KDM4B: variants seen among roughly 807,000 people sequenced by gnomAD.
The protein encoded by KDM4B is lysine demethylase 4B, also known as lysine-specific demethylase 4B.
KDM4B carries 32 observed loss-of-function variants against 125.2 expected under a neutral mutation model. That is an observed-to-expected ratio of 0.26 (90% CI 0.19 to 0.34). The LOEUF (loss-of-function observed/expected upper bound fraction) is 0.34, where lower values mean the gene tolerates loss of function less well. Ranked by LOEUF, KDM4B falls within the 10% of genes least tolerant of loss-of-function variation. KDM4B has a pLI of 1.00. For synonymous variants in KDM4B, 721 were observed against 677.9 expected (o/e 1.06, Z -0.99); for missense variants, 1,190 against 1,577.7 (o/e 0.75, Z 4.16).
intron 6 of KDM4B, among the ~76,000 whole-genome samples, chr19:5,063,537 G>A (rs1489166386): frequency 6.6e-6 from 1 of 152,196 alleles, no homozygotes; most frequent in African/African-American, 2.4e-5. Flanking sequence ...TCTGTGACCT[G>A]GTCTCTTCAG....
chr19:5,133,246 G>A (rs73529626), intron 13 of KDM4B, among the ~76,000 whole-genome samples: 9,939 of 152,234 alleles, frequency 0.065, 376 homozygotes, highest in East Asian at 0.15. Context: ...AGACCGCCGC[G>A]GCTTCTCAGC....
chr19:5,026,876 C>T (rs1305547293), intron 2 of KDM4B, among the ~76,000 whole-genome samples: 1 of 152,126 alleles, frequency 6.6e-6, no homozygotes, highest in African/African-American at 2.4e-5. Context: ...AGCTGACTGC[C>T]GCCCCCTTTC....
intron 2 of KDM4B, among the ~76,000 whole-genome samples, chr19:5,022,610 C>G (rs1048728063): frequency 6.6e-6 from 1 of 152,184 alleles, no homozygotes; most frequent in African/African-American, 2.4e-5. Flanking sequence ...CTGGCCACCC[C>G]CACGGATGGT....
At chr19:5,150,614 C>T (rs112695064) in intron 22 of KDM4B, among the ~76,000 whole-genome samples, 164 bp downstream of exon 22, 2 of 152,244 alleles carry the variant, frequency 1.3e-5, no homozygotes, top group East Asian at 3.9e-4. Context: ...TCCATGGGCT[C>T]CTGGCAGGAG....
chr19:5,100,464 G>A lies in KDM4B; in HGVS notation c.919-10158G>A, dbSNP rs532066126. Among the ~76,000 whole-genome samples the A allele has an allele frequency of 3.9e-5, 6 of 152,290 alleles. No homozygotes were observed. The South Asian group carries it at 1.0e-3, about 26-fold the overall frequency. The stretch of plus-strand genomic sequence containing the variant: ...CAGGATCTCACTCTGAAATGAGACA[G>A]AGTCTCAGCCTAGAGTGCAGTGGTG... On this transcript the variant is annotated intron_variant, in intron 9 of 22. Coordinates refer to ENST00000159111, the MANE Select transcript of KDM4B (RefSeq NM_015015.3).
intron 1 of KDM4B, among the ~76,000 whole-genome samples, chr19:4,999,165 C>T (rs754991545): frequency 6.6e-6 from 1 of 152,204 alleles, no homozygotes; most frequent in African/African-American, 2.4e-5. Flanking sequence ...TTGATGTCTC[C>T]TATACAGGAC....
chr19:5,037,058 C>T (rs1043570344), intron 3 of KDM4B, among the ~76,000 whole-genome samples: 4 of 152,210 alleles, frequency 2.6e-5, no homozygotes, highest in African/African-American at 9.7e-5. Flanking sequence ...CAATGTAGCC[C>T]GAGGCGTTCT....
intron 9 of KDM4B, among the ~76,000 whole-genome samples, chr19:5,106,043 C>T (rs570862151): frequency 6.6e-6 from 1 of 152,356 alleles, no homozygotes; most frequent in East Asian, 1.9e-4. Flanking sequence ...ATACATTTCC[C>T]TGTCTTGAGA....
chr19:5,031,748 C>A (rs956581590), intron 2 of KDM4B, among the ~76,000 whole-genome samples: 1 of 152,196 alleles, frequency 6.6e-6, no homozygotes, highest in Admixed American at 6.5e-5. Context: ...GGCCTCCCTG[C>A]CGTCCTGCTC....
At position 5,083,182 on chromosome 19, in the gene KDM4B, C is replaced by T. The variant is rs529999815; in HGVS notation, c.918+678C>T. On this transcript the variant is annotated intron_variant, in intron 9 of 22. Transcript: ENST00000159111. ...GCCAGCAATTGGCGTCTGAACTGAG[C>T]GCTTGTTCCCCACTCTCCTAACGCC... is the stretch of plus-strand genomic sequence containing the variant. Among the ~76,000 whole-genome samples the T allele has an allele frequency of 3.3e-5, 5 of 152,306 alleles. No homozygotes were observed. The East Asian group carries it at 5.8e-4, about 18-fold the overall frequency.
intron 3 of KDM4B, 31 bp from the exon 4 acceptor site, chr19:5,039,805 G>A: frequency 6.2e-7 from 1 of 1,605,124 alleles, no homozygotes; most frequent in Non-Finnish European, 8.5e-7. Context: ...AGGGTCTGAG[G>A]GTGCCACTGA....
At chr19:5,102,577 CCGGGGTGG>C (rs2038957708) in intron 9 of KDM4B, among the ~76,000 whole-genome samples, 1 of 152,152 alleles carries the variant, frequency 6.6e-6, no homozygotes, top group African/African-American at 2.4e-5. Flanking sequence ...GGGGCCGGGG[CCGGGGTGG>C]CATCTGGGGC....
At chr19:5,034,233 C>A (rs537512749) in intron 3 of KDM4B, among the ~76,000 whole-genome samples, 1 of 152,340 alleles carries the variant, frequency 6.6e-6, no homozygotes, top group East Asian at 1.9e-4. Flanking sequence ...TGGGCCTGTT[C>A]GAGCAGTGCT....
rs1599318119 is a variant in KDM4B, at chr19:4,969,146, G to A, written c.-193G>A. 1.3e-5 allele frequency: 2 copies of A among 150,952 alleles called. No individual in the cohort carries two copies. The highest frequency in any genetic ancestry group is 2.0e-4 in the East Asian group (1 of 5,116). The allele number at this position is 150,952 out of a possible 1,614,324, so 9.4% of individuals were successfully genotyped here. ...GTCGCCAGCAACCGAGCGGGGCCCG[G>A]CCCGAGCGGGGCCTGGGGGTGCGAC... On this transcript the variant is annotated 5_prime_UTR_variant, in exon 1 of 23. Transcript: ENST00000159111.
intron 2 of KDM4B, among the ~76,000 whole-genome samples, chr19:5,017,819 C>G (rs2035939465): frequency 6.6e-6 from 1 of 151,886 alleles, no homozygotes; most frequent in Non-Finnish European, 1.5e-5. Context: ...CAGCTCACTG[C>G]AAGCTCCGCC....
intron 1 of KDM4B, among the ~76,000 whole-genome samples, chr19:5,002,778 A>G (rs1599390131): frequency 6.6e-6 from 1 of 151,646 alleles, no homozygotes; most frequent in African/African-American, 2.4e-5. Context: ...TGAGACCCCC[A>G]TCTCTACAAA....
chr19:5,105,472 G>A (rs548644117), intron 9 of KDM4B, among the ~76,000 whole-genome samples: 6 of 152,318 alleles, frequency 3.9e-5, no homozygotes, highest in South Asian at 4.1e-4. Context: ...TCAGTCTGTC[G>A]CCCGGGCTGG....
At chr19:5,053,190 C>T (rs142449758) in intron 6 of KDM4B, among the ~76,000 whole-genome samples, 1 of 152,232 alleles carries the variant, frequency 6.6e-6, no homozygotes, top group Non-Finnish European at 1.5e-5. Context: ...GATAGTTGCT[C>T]CCTCCTCTCC....
chr19:5,029,794 T>C (rs534893716), intron 2 of KDM4B, among the ~76,000 whole-genome samples: 12 of 152,352 alleles, frequency 7.9e-5, no homozygotes, highest in Non-Finnish European at 1.2e-4. Flanking sequence ...GCCACTGCAC[T>C]CCAGCCTGGG....
Sources: allele counts gnomAD v4.1 joint callset (sites outside exome capture counted in the v4.1 genomes callset), GRCh38; gene constraint gnomAD v4.1.1; transcripts MANE v1.5; gene names NCBI Gene and HGNC (gene_info 2026-07-23, HGNC 2026-07-21).